The following KCNAB1 variants were observed in gnomAD, a reference collection of about 807,000 sequenced individuals.
The protein encoded by KCNAB1 is voltage-gated potassium channel subunit beta-1.
KCNAB1 carries 35 observed loss-of-function variants against 64.6 expected under a neutral mutation model. The ratio of observed to expected loss-of-function variants is 0.54; its 90% CI spans 0.41 to 0.72. KCNAB1 has a LOEUF of 0.72. KCNAB1 is among the 30% of genes least tolerant of loss of function. KCNAB1 has a pLI of 0.00. For synonymous variants in KCNAB1, 177 were observed against 183.8 expected, an observed-to-expected ratio of 0.96 and a Z score of 0.30; for missense variants, 401 against 512.9, an observed-to-expected ratio of 0.78 and a Z score of 2.11.
intron 2 of KCNAB1, among the ~76,000 whole-genome samples, chr3:156,429,977 T>A (rs957479925): frequency 6.6e-6 from 1 of 152,260 alleles, no homozygotes. Context: ...AATGTCATGA[T>A]GCATACATAT....
At chr3:156,135,345 A>G (rs1203885551) in intron 1 of KCNAB1, among the ~76,000 whole-genome samples, 2 of 152,148 alleles carry the variant, frequency 1.3e-5, no homozygotes, top group East Asian at 3.8e-4. Context: ...GGAAAAGCTA[A>G]TAACTCAGAG....
intron 1 of KCNAB1, among the ~76,000 whole-genome samples, chr3:156,346,920 G>T (rs1724519227): frequency 6.6e-6 from 1 of 152,234 alleles, no homozygotes; most frequent in African/African-American, 2.4e-5. Context: ...CTTATGAGTA[G>T]AGTGATATTA....
intron 1 of KCNAB1, among the ~76,000 whole-genome samples, chr3:156,363,157 G>A (rs1443604014): frequency 6.6e-6 from 1 of 152,228 alleles, no homozygotes; most frequent in Non-Finnish European, 1.5e-5. Context: ...GATCACATTT[G>A]AAATTAATGA....
At chr3:156,118,382 G>T (rs1713173040), upstream of KCNAB1, 1 of 448,352 alleles carries the variant, frequency 2.2e-6, no homozygotes, top group Non-Finnish European at 4.5e-6. Flanking sequence ...AGAGTGGTGG[G>T]TGAAAGCTGC....
At chr3:156,137,590 C>T (rs1337147858) in intron 1 of KCNAB1, among the ~76,000 whole-genome samples, 9 of 151,706 alleles carry the variant, frequency 5.9e-5, no homozygotes, top group Admixed American at 5.3e-4. Flanking sequence ...GCTCTATCAC[C>T]CAGGCTGGAG....
intron 1 of KCNAB1, among the ~76,000 whole-genome samples, chr3:156,143,901 CTTTATTTA>C (rs145502397): frequency 0.13 from 18,578 of 146,692 alleles, 2,198 homozygotes; most frequent in South Asian, 0.34. Flanking sequence ...AATGACAGCA[CTTTATTTA>C]TTTATTTATT....
At chr3:156,365,077 A>G (rs1433267273) in intron 1 of KCNAB1, among the ~76,000 whole-genome samples, 1 of 152,188 alleles carries the variant, frequency 6.6e-6, no homozygotes, top group African/African-American at 2.4e-5. Context: ...GGGGAAAGGA[A>G]AGAGGAAATT....
intron 7 of KCNAB1, 141 bp downstream of exon 7, chr3:156,465,827 G>A: frequency 1.4e-6 from 1 of 705,108 alleles, no homozygotes; most frequent in Non-Finnish European, 2.5e-6. Flanking sequence ...TTCTTCTTGG[G>A]GTTAAATATA....
chr3:156,228,954 G>A (rs1367065506), intron 1 of KCNAB1, among the ~76,000 whole-genome samples: 1 of 152,198 alleles, frequency 6.6e-6, no homozygotes, highest in Non-Finnish European at 1.5e-5. Flanking sequence ...TACACAGAGA[G>A]AAGGTGTTGT....
rs562471631 is a variant in KCNAB1, at chr3:156,320,590, C to T, written c.276-101026C>T. Among the ~76,000 whole-genome samples, 13 of 152,218 alleles carry T rather than the reference C, an allele frequency of 8.5e-5. 1 individual carries two copies. In the South Asian group the frequency reaches 2.3e-3, roughly 27 times the overall value. ...CAGAGAAAATCTAGAAAGTGGGAGG[C>T]TACCGCAGCAGGACTGTGTCCAGTG... On this transcript the variant is annotated intron_variant, in intron 1 of 13. Coordinates refer to ENST00000490337, the MANE Select transcript of KCNAB1 (RefSeq NM_172160.3).
At chr3:156,484,637 A>G (rs1235265243) in intron 8 of KCNAB1, among the ~76,000 whole-genome samples, 1 of 152,024 alleles carries the variant, frequency 6.6e-6, no homozygotes, top group Non-Finnish European at 1.5e-5. Context: ...GAGGACTTGG[A>G]GACTAACATG....
chr3:156,230,477 C>G (rs1327204813), intron 1 of KCNAB1, among the ~76,000 whole-genome samples: 1 of 152,178 alleles, frequency 6.6e-6, no homozygotes, highest in Admixed American at 6.5e-5. Context: ...CCTAATGATA[C>G]ATTTCTCAGA....
intron 1 of KCNAB1, among the ~76,000 whole-genome samples, chr3:156,241,649 G>A (rs551439266): frequency 3.3e-5 from 5 of 152,298 alleles, no homozygotes; most frequent in African/African-American, 1.2e-4. Context: ...TGCTTCTGTG[G>A]TGCTGCTCTT....
intron 1 of KCNAB1, among the ~76,000 whole-genome samples, chr3:156,407,203 C>A (rs78367814): frequency 0.023 from 3,557 of 152,242 alleles, 85 homozygotes; most frequent in African/African-American, 0.07. Context: ...CAAACTCCAG[C>A]AGACTCACCT....
rs141875461 is a variant in KCNAB1, at chr3:156,144,522, T to G, written c.275+23636T>G. Among the ~76,000 whole-genome samples, 15 of 152,318 alleles carry G rather than the reference T, an allele frequency of 9.8e-5. No individual in the cohort carries two copies. In the East Asian group the frequency reaches 2.1e-3, roughly 22 times the overall value. ...AAGGAGGATAGGACAGCCTACCACA[T>G]CCTGCTTTAGAAGGGGAGCTCACCT... is the stretch of plus-strand genomic sequence containing the variant. On this transcript the variant is annotated intron_variant, in intron 1 of 13. Coordinates refer to ENST00000490337, the MANE Select transcript of KCNAB1 (RefSeq NM_172160.3).
chr3:156,226,599 A>T (rs1454222568), intron 1 of KCNAB1, among the ~76,000 whole-genome samples: 1 of 152,226 alleles, frequency 6.6e-6, no homozygotes, highest in Non-Finnish European at 1.5e-5. Flanking sequence ...ACAGCAAAAG[A>T]AATAATCAGC....
chr3:156,496,363 C>G (rs1716010012), intron 8 of KCNAB1, among the ~76,000 whole-genome samples: 1 of 152,088 alleles, frequency 6.6e-6, no homozygotes, highest in Non-Finnish European at 1.5e-5. Flanking sequence ...GTGCTGTTCT[C>G]ATGATGGTGA....
chr3:156,412,202 A>G lies in KCNAB1; in HGVS notation c.276-9414A>G, dbSNP rs148322991. Among the ~76,000 whole-genome samples, 32 of 152,332 alleles carry G rather than the reference A, an allele frequency of 2.1e-4. 1 individual carries two copies. The East Asian group carries it at 4.4e-3, about 21-fold the overall frequency. ...ATCAGTAGTTTATTCCTAGGAATACAATTGACTTTTATATCTTGATCTTAT... is the reference window on the plus strand; with the variant it reads ...ATCAGTAGTTTATTCCTAGGAATACGATTGACTTTTATATCTTGATCTTAT... On this transcript the variant is annotated intron_variant, in intron 1 of 13. Transcript: ENST00000490337.
intron 1 of KCNAB1, among the ~76,000 whole-genome samples, chr3:156,301,728 A>C (rs1209934163): frequency 1.3e-5 from 2 of 152,236 alleles, no homozygotes; most frequent in Admixed American, 1.3e-4. Flanking sequence ...ATCTTAGTTC[A>C]TAAAAGTTTG....
Sources: gnomAD v4.1 joint callset for allele counts (sites outside exome capture counted in the v4.1 genomes callset) on GRCh38, gnomAD v4.1.1 for gene constraint, MANE v1.5 for transcripts, NCBI Gene and HGNC (gene_info 2026-07-23, HGNC 2026-07-21) for gene names.